DTNA: variants seen among roughly 807,000 people sequenced by gnomAD.
DTNA encodes dystrophin-related protein 3.
Under a neutral mutation model 100.7 loss-of-function variants are expected in DTNA, and 43 were observed. The observed-to-expected ratio is 0.43, with a 90% confidence interval of 0.33 to 0.55. The LOEUF (loss-of-function observed/expected upper bound fraction) is 0.55, where lower values mean the gene tolerates loss of function less well. Among genes scored for constraint, DTNA ranks in the 20% least tolerant of loss-of-function variants. The probability of loss-of-function intolerance (pLI) is 0.04; values close to 1 mark genes in which losing one functional copy is unlikely to be tolerated. For missense variants in DTNA, 798 were observed against 953.9 expected (o/e 0.84, Z 2.15); for synonymous variants, 349 against 347.9 (o/e 1.00, Z -0.04).
At chr18:34,672,882 G>A (rs2076942691) in intron 1 of DTNA, among the ~76,000 whole-genome samples, 1 of 152,124 alleles carries the variant, frequency 6.6e-6, no homozygotes, top group South Asian at 2.1e-4. Flanking sequence ...GGGATTTCCT[G>A]TGGGGTGGAA....
At chr18:34,868,547 T>C in intron 17 of DTNA, 1 of 985,472 alleles carries the variant, frequency 1.0e-6, no homozygotes, top group Non-Finnish European at 1.2e-6. Context: ...ACATTGTCTT[T>C]GTAAAACCAA....
At chr18:34,756,120 C>G (rs1039226243) in intron 2 of DTNA, 77 bp downstream of exon 2, 2 of 1,488,330 alleles carry the variant, frequency 1.3e-6, no homozygotes, top group African/African-American at 2.8e-5. Context: ...AACCATTTAT[C>G]TTTATGATAT....
At chr18:34,841,819 C>T (rs1204564222) in intron 13 of DTNA, among the ~76,000 whole-genome samples, 2 of 152,122 alleles carry the variant, frequency 1.3e-5, no homozygotes, top group East Asian at 1.9e-4. Flanking sequence ...ATTATTCAGA[C>T]CTAATCCTGA....
In DTNA at chr18:34,843,524, T is replaced by C. The variant is rs116399273; in HGVS notation, c.1346+4687T>C. ...AGGTGCCAGCAGGGTTGGTTTCTCCTGTCCTTGACTTGCAGATGGACACCT... is the reference window on the plus strand; with the variant it reads ...AGGTGCCAGCAGGGTTGGTTTCTCCCGTCCTTGACTTGCAGATGGACACCT... On this transcript the variant is annotated intron_variant, in intron 13 of 22. Coordinates refer to ENST00000444659, the MANE Select transcript of DTNA (RefSeq NM_001386795.1). Among the ~76,000 whole-genome samples, 388 of 152,234 alleles carry C rather than the reference T, an allele frequency of 2.5e-3. 3 individuals are homozygous for C. Among genetic ancestry groups the C allele is most frequent in the African/African-American group, 9.0e-3 (374 of 41,570 alleles).
chr18:34,521,262 G>A (rs571808776), intron 1 of DTNA, among the ~76,000 whole-genome samples: 1 of 152,124 alleles, frequency 6.6e-6, no homozygotes, highest in East Asian at 1.9e-4. Context: ...CCATCAGTAA[G>A]TTCTGTCAGC....
intron 1 of DTNA, among the ~76,000 whole-genome samples, chr18:34,696,953 A>T (rs1020336635): frequency 1.3e-5 from 2 of 152,184 alleles, no homozygotes; most frequent in Non-Finnish European, 1.5e-5. Flanking sequence ...CAATATCTGT[A>T]GGCATTTTTG....
chr18:34,555,928 T>C (rs2045984510), intron 1 of DTNA, among the ~76,000 whole-genome samples: 1 of 151,892 alleles, frequency 6.6e-6, no homozygotes, highest in Non-Finnish European at 1.5e-5. Context: ...GTATCCTTGT[T>C]GACTTTCTGT....
At chr18:34,643,917 A>T (rs2059561402) in intron 1 of DTNA, among the ~76,000 whole-genome samples, 2 of 152,142 alleles carry the variant, frequency 1.3e-5, no homozygotes, top group South Asian at 2.1e-4. Flanking sequence ...ATATAATATA[A>T]TCTAGATCTA....
At position 34,638,041 on chromosome 18, in the gene DTNA, G is replaced by T. The variant is rs16965703; in HGVS notation, c.-1-117935G>T. Among the ~76,000 whole-genome samples the T allele has an allele frequency of 3.4e-3, 511 of 152,252 alleles. 6 individuals carry two copies. The highest frequency in any genetic ancestry group is 0.012 in the African/African-American group (481 of 41,554). ...AGGCATCTCAGCATTACTTCTTATC[G>T]TTGTCTGTCCTTTGATTACTACGTA... is the stretch of plus-strand genomic sequence containing the variant. On this transcript the variant is annotated intron_variant, in intron 1 of 19. Transcript: ENST00000283365.
intron 14 of DTNA, 152 bp downstream of exon 14, chr18:34,848,535 T>G: frequency 2.2e-6 from 2 of 908,274 alleles, no homozygotes; most frequent in Non-Finnish European, 3.5e-6. Context: ...TTGTGGTGTC[T>G]TGGTGGTGAA....
At chr18:34,516,000 C>T (rs1018210466) in intron 1 of DTNA, among the ~76,000 whole-genome samples, 7 of 152,082 alleles carry the variant, frequency 4.6e-5, no homozygotes, top group African/African-American at 1.4e-4. Flanking sequence ...AGGGTCAAGA[C>T]CTTTTAGCCA....
chr18:34,605,633 GCACACA>G (rs3078088), intron 1 of DTNA, among the ~76,000 whole-genome samples: 14,243 of 142,222 alleles, frequency 0.1, 816 homozygotes, highest in African/African-American at 0.17. Context: ...TGCAACTCAG[GCACACA>G]CACACACACA....
intron 1 of DTNA, among the ~76,000 whole-genome samples, chr18:34,698,913 G>A (rs2080981743): frequency 6.6e-6 from 1 of 151,058 alleles, no homozygotes; most frequent in Non-Finnish European, 1.5e-5. Context: ...ACTCACCCAG[G>A]AACAATACTT....
At chr18:34,646,904 C>T (rs1044745150) in intron 1 of DTNA, among the ~76,000 whole-genome samples, 5 of 151,886 alleles carry the variant, frequency 3.3e-5, no homozygotes, top group African/African-American at 9.7e-5. Context: ...TTCGTAGAGA[C>T]GGGGTTTCTC....
chr18:34,755,988 T>C lies in DTNA; in HGVS notation c.12T>C (p.Asp4=). MIE[D]SGKRGNTMAE... is the part of the protein sequence containing the mutation. The stretch of plus-strand genomic sequence containing the variant: ...TTTTGTCTCATAGAATGATTGAAGA[T>C]AGTGGGAAAAGAGGAAATACCATGG... Residue 4 remains aspartate, a synonymous_variant, in exon 2 of 23, where the codon GAT becomes GAC. Transcript: ENST00000444659. 1 of 1,613,202 alleles carries C rather than the reference T, an allele frequency of 6.2e-7. No homozygotes were observed. Among genetic ancestry groups the C allele is most frequent in the Non-Finnish European group, 8.5e-7 (1 of 1,179,478 alleles).
At chr18:34,819,976 G>T (rs1432477328) in intron 8 of DTNA, among the ~76,000 whole-genome samples, 2 of 144,174 alleles carry the variant, frequency 1.4e-5, no homozygotes, top group Non-Finnish European at 3.0e-5. Flanking sequence ...AGCAATTGCG[G>T]TTTTTGCCAT....
At chr18:34,498,481 A>AATAATAATT (rs1326865454) in intron 1 of DTNA, among the ~76,000 whole-genome samples, 41 of 146,238 alleles carry the variant, frequency 2.8e-4, no homozygotes, top group South Asian at 1.1e-3. Flanking sequence ...TAATAATAAT[A>AATAATAATT]ATTTAATCAC....
At chr18:34,836,437 G>A (rs1427393297) in intron 11 of DTNA, among the ~76,000 whole-genome samples, 1 of 152,096 alleles carries the variant, frequency 6.6e-6, no homozygotes, top group African/African-American at 2.4e-5. Flanking sequence ...CAGATCACTT[G>A]AGGTCGGGAG....
At chr18:34,759,447 C>G (rs1011988554) in intron 2 of DTNA, among the ~76,000 whole-genome samples, 3 of 152,142 alleles carry the variant, frequency 2.0e-5, no homozygotes, top group African/African-American at 7.2e-5. Context: ...CAAATCCATT[C>G]CCCTTAGATG....
Sources: allele counts gnomAD v4.1 joint callset (sites outside exome capture counted in the v4.1 genomes callset), GRCh38; gene constraint gnomAD v4.1.1; transcripts MANE v1.5; gene names NCBI Gene and HGNC (gene_info 2026-07-23, HGNC 2026-07-21).